The following PHACTR1 variants were observed in gnomAD, a reference collection of about 807,000 sequenced individuals.
The protein encoded by PHACTR1 is phosphatase and actin regulator 1, also known as RPEL repeat containing 1.
Under a neutral mutation model 69.2 loss-of-function variants are expected in PHACTR1, and 16 were observed. That is an observed-to-expected ratio of 0.23 (90% CI 0.16 to 0.35). The LOEUF is 0.35. Among genes scored for constraint, PHACTR1 ranks in the 10% least tolerant of loss-of-function variants. PHACTR1 has a pLI of 1.00. For missense variants in PHACTR1, 510 were observed against 734.7 expected, an observed-to-expected ratio of 0.69 and a Z score of 3.54; for synonymous variants, 312 against 284.5, an observed-to-expected ratio of 1.10 and a Z score of -0.97.
At chr6:13,210,424 C>T (rs1364086527) in intron 8 of PHACTR1, among the ~76,000 whole-genome samples, 3 of 152,142 alleles carry the variant, frequency 2.0e-5, no homozygotes, top group Non-Finnish European at 4.4e-5. Context: ...GAGCTAGAAT[C>T]CACTTGAAGC....
In PHACTR1 at chr6:13,246,574, T is replaced by G. The variant is rs1773611912; in HGVS notation, c.1391+16381T>G. Among the ~76,000 whole-genome samples, 2 of 152,306 alleles carry G rather than the reference T, an allele frequency of 1.3e-5. No homozygotes were observed. The highest frequency in any genetic ancestry group is 4.1e-4 in the South Asian group (2 of 4,832). ...TGAAACTCTAATCATGTATACTTAT[T>G]AAGAATTATCTGTTCTTTGTTTCAG... On this transcript the variant is annotated intron_variant, in intron 10 of 14. Transcript: ENST00000332995. This position sits in a 1 kb window ranked among gnomAD's most constrained non-coding sequence, Gnocchi z 4.2.
At position 13,283,015 on chromosome 6, in the gene PHACTR1, C is replaced by A. The variant is rs559597794; in HGVS notation, c.1510-407C>A. On this transcript the variant is annotated intron_variant, in intron 12 of 14. Coordinates refer to ENST00000332995, the MANE Select transcript of PHACTR1 (RefSeq NM_030948.6). The surrounding 1 kb of genome is among the most constrained non-coding windows in gnomAD (Gnocchi z 4.7). ...ATACACAGATAAAATGATATGATGC[C>A]TGTGATTTGTTTCAAAGCAATCTAC... Among the ~76,000 whole-genome samples the A allele has an allele frequency of 6.6e-6, 1 of 152,112 alleles. No homozygotes were observed. The highest frequency in any genetic ancestry group is 1.5e-5 in the Non-Finnish European group (1 of 68,024).
chr6:13,170,993 T>C (rs1431146613), intron 6 of PHACTR1, among the ~76,000 whole-genome samples: 4 of 152,176 alleles, frequency 2.6e-5, no homozygotes, highest in Non-Finnish European at 5.9e-5. Flanking sequence ...TGTCATCTCA[T>C]AAAGGACATA....
At chr6:13,273,035 C>G in intron 11 of PHACTR1, 120 bp downstream of exon 11, 1 of 1,406,590 alleles carries the variant, frequency 7.1e-7, no homozygotes, top group Non-Finnish European at 9.7e-7. Context: ...ACCTTTCTAA[C>G]GGTTGAAGCT....
intron 4 of PHACTR1, among the ~76,000 whole-genome samples, chr6:12,782,913 G>A (rs1380842865): frequency 1.3e-5 from 2 of 151,890 alleles, no homozygotes; most frequent in African/African-American, 2.4e-5. Flanking sequence ...AAATTTAGAG[G>A]GGCAAAAAAA....
chr6:13,124,386 C>T lies in PHACTR1; in HGVS notation c.416-35818C>T, dbSNP rs1819202127. On this transcript the variant is annotated intron_variant, in intron 5 of 14. Coordinates refer to ENST00000332995, the MANE Select transcript of PHACTR1 (RefSeq NM_030948.6). ...TCAATAAAATAACTATGTATGTTCCCTATAATACAAAATCATCCGAGAGCA... is the reference window on the plus strand; with the variant it reads ...TCAATAAAATAACTATGTATGTTCCTTATAATACAAAATCATCCGAGAGCA... 2.0e-5 allele frequency among the ~76,000 whole-genome samples: 3 copies of T among 152,282 alleles called. No individual in the cohort carries two copies. In the South Asian group the frequency reaches 6.2e-4, roughly 32 times the overall value.
At chr6:12,738,973 T>C (rs1381971331) in intron 3 of PHACTR1, among the ~76,000 whole-genome samples, 2 of 152,230 alleles carry the variant, frequency 1.3e-5, no homozygotes, top group Non-Finnish European at 2.9e-5. Context: ...TTATCAAAAC[T>C]AATGAGTACC....
At chr6:13,148,395 C>A (rs1823774046) in intron 5 of PHACTR1, among the ~76,000 whole-genome samples, 1 of 152,104 alleles carries the variant, frequency 6.6e-6, no homozygotes, top group African/African-American at 2.4e-5. Context: ...TAATCCAAGA[C>A]CATTATATGT....
intron 4 of PHACTR1, among the ~76,000 whole-genome samples, chr6:12,971,032 A>T (rs1794139400): frequency 6.6e-6 from 1 of 152,196 alleles, no homozygotes; most frequent in Non-Finnish European, 1.5e-5. Flanking sequence ...AATGATCATT[A>T]ATAGAATAGA....
intron 4 of PHACTR1, among the ~76,000 whole-genome samples, chr6:12,945,918 G>A (rs551944482): frequency 1.2e-4 from 18 of 151,846 alleles, no homozygotes; most frequent in Non-Finnish European, 2.2e-4. Context: ...GGCCAAGATC[G>A]TGCCACCGCA....
chr6:12,883,216 T>A (rs1050202596), intron 4 of PHACTR1, among the ~76,000 whole-genome samples: 11 of 152,106 alleles, frequency 7.2e-5, no homozygotes, highest in African/African-American at 2.7e-4. Flanking sequence ...CAGGCTTTTT[T>A]TGTTTGTTTG....
intron 10 of PHACTR1, among the ~76,000 whole-genome samples, chr6:13,234,366 G>C (rs974401321): frequency 6.6e-6 from 1 of 152,248 alleles, no homozygotes; most frequent in Non-Finnish European, 1.5e-5. Flanking sequence ...GTGCTGTAGA[G>C]TTGGCATTTC....
intron 4 of PHACTR1, among the ~76,000 whole-genome samples, chr6:12,849,542 T>G (rs1226063920): frequency 6.6e-6 from 1 of 152,104 alleles, no homozygotes; most frequent in Non-Finnish European, 1.5e-5. Context: ...AGCATGTAGG[T>G]CAGACAGCCT....
At chr6:12,867,733 C>T (rs1247885572) in intron 4 of PHACTR1, among the ~76,000 whole-genome samples, 4 of 152,130 alleles carry the variant, frequency 2.6e-5, no homozygotes, top group Non-Finnish European at 5.9e-5. Flanking sequence ...AGTCAGGTGA[C>T]TACATTGCAA....
intron 4 of PHACTR1, among the ~76,000 whole-genome samples, chr6:12,866,721 G>T (rs1265699749): frequency 6.6e-6 from 1 of 152,202 alleles, no homozygotes; most frequent in Non-Finnish European, 1.5e-5. Context: ...AAAATATTAT[G>T]CAAGTTGCCT....
chr6:13,102,418 C>G (rs1815321063), intron 5 of PHACTR1, among the ~76,000 whole-genome samples: 1 of 152,158 alleles, frequency 6.6e-6, no homozygotes, highest in Non-Finnish European at 1.5e-5. Context: ...TTCTTACTCT[C>G]AAGGAACCAA....
chr6:13,196,425 T>G (rs1764433309), intron 7 of PHACTR1: 1 of 165,282 alleles, frequency 6.1e-6, no homozygotes, highest in Admixed American at 6.4e-5. Context: ...TCTTTCTTTT[T>G]TTTTTTGTTT....
intron 4 of PHACTR1, among the ~76,000 whole-genome samples, chr6:12,862,424 C>T (rs1468214124): frequency 6.6e-6 from 1 of 152,108 alleles, no homozygotes; most frequent in East Asian, 1.9e-4. Flanking sequence ...ATCTGGGAGA[C>T]TGTGAGGAAG....
intron 4 of PHACTR1, among the ~76,000 whole-genome samples, chr6:12,853,407 T>A (rs1044531299): frequency 2.6e-5 from 4 of 152,188 alleles, no homozygotes; most frequent in African/African-American, 9.7e-5. Context: ...CTGGTTGGCA[T>A]GTCACGTCAT....
Sources: gnomAD v4.1 joint callset for allele counts (sites outside exome capture counted in the v4.1 genomes callset) on GRCh38, gnomAD v4.1.1 for gene constraint, Gnocchi (gnomAD v3.1) non-coding constraint, MANE v1.5 for transcripts, NCBI Gene and HGNC (gene_info 2026-07-23, HGNC 2026-07-21) for gene names.